MRPS30: variants seen among roughly 807,000 people sequenced by gnomAD.
MRPS30 encodes the protein large ribosomal subunit protein mL65.
In MRPS30, 42 loss-of-function variants were observed where a neutral mutation model predicts 43.8. The observed-to-expected ratio is 0.96, with a 90% CI of 0.75 to 1.24. The LOEUF (loss-of-function observed/expected upper bound fraction) is 1.24, where lower values mean the gene tolerates loss of function less well. MRPS30 is among the 50% of genes most tolerant of loss of function. MRPS30 has a pLI of 0.00. For missense variants in MRPS30, 638 were observed against 570.0 expected (o/e 1.12, Z -1.22); for synonymous variants, 273 against 228.2 (o/e 1.20, Z -1.77).
At chr5:44,811,732 G>T (rs531224227) in intron 2 of MRPS30, among the ~76,000 whole-genome samples, 183 bp from the exon 3 acceptor site, 2 of 152,282 alleles carry the variant, frequency 1.3e-5, no homozygotes, top group South Asian at 4.1e-4. Flanking sequence ...TGTCGGCTGT[G>T]TTCCAGTAAA....
Position 44,813,294 on chromosome 5 carries a change from T to C in MRPS30, c.1030+12T>C. On this transcript the variant is annotated intron_variant, in intron 4 of 4. Coordinates refer to ENST00000507110, the MANE Select transcript of MRPS30 (RefSeq NM_016640.4). ...AGCTATGTATCAAGGTAAAAATTAATTTTATAGCATTTTCTTTGAAGGTAT... is the reference window on the plus strand; with the variant it reads ...AGCTATGTATCAAGGTAAAAATTAACTTTATAGCATTTTCTTTGAAGGTAT... 6.4e-7 allele frequency: 1 copy of C among 1,551,770 alleles called. No individual in the cohort carries two copies. The highest frequency in any genetic ancestry group is 8.7e-7 in the Non-Finnish European group (1 of 1,153,358).
chr5:44,812,800 G>C (rs1742864543), intron 3 of MRPS30, among the ~76,000 whole-genome samples: 1 of 152,062 alleles, frequency 6.6e-6, no homozygotes, highest in Non-Finnish European at 1.5e-5. Flanking sequence ...AGCTAATCAT[G>C]ACTAAGGGAT....
At chr5:44,812,994 T>A (rs1250632615) in intron 3 of MRPS30, 112 bp from the exon 4 acceptor site, 1 of 857,274 alleles carries the variant, frequency 1.2e-6, no homozygotes, top group East Asian at 2.7e-5. Flanking sequence ...GTATTTAGAG[T>A]ACTGAGAATA....
rs746516631 is a variant in MRPS30, at chr5:44,811,006, T to C, written c.602-3T>C. The C allele has an allele frequency of 1.2e-6, 2 of 1,612,362 alleles. No individual in the cohort carries two copies. The highest frequency in any genetic ancestry group is 3.4e-5 in the Admixed American group (2 of 59,696). Reference sequence around the variant, plus strand: ...AAAAAAATTTTGAATATCTTTTTGATAGATTATAGATGCCCAGTTCATTTT... The same window carrying C: ...AAAAAAATTTTGAATATCTTTTTGACAGATTATAGATGCCCAGTTCATTTT... On this transcript the variant is annotated splice_region_variant and splice_polypyrimidine_tract_variant and intron_variant, in intron 1 of 4. Coordinates refer to ENST00000507110, the MANE Select transcript of MRPS30 (RefSeq NM_016640.4).
At chr5:44,810,421 G>A (rs937957779) in intron 1 of MRPS30, among the ~76,000 whole-genome samples, 1 of 152,106 alleles carries the variant, frequency 6.6e-6, no homozygotes, top group African/African-American at 2.4e-5. Flanking sequence ...TGTTTTTGAC[G>A]CATTCATTAT....
rs74613309 is a variant in MRPS30 at position 44,815,496 on chromosome 5, A to G, written c.*294A>G. Reference sequence around the variant, plus strand: ...TAATATAAATGCAGAAATCCCAAATAAAATGCTAACATACTGAATTCAGTA... The same window carrying G: ...TAATATAAATGCAGAAATCCCAAATGAAATGCTAACATACTGAATTCAGTA... On this transcript the variant is annotated 3_prime_UTR_variant, in exon 5 of 5. Transcript: ENST00000507110. 1.8e-3 allele frequency: 430 copies of G among 241,988 alleles called. 1 individual carries two copies. Among genetic ancestry groups the G allele is most frequent in the African/African-American group, 6.7e-3 (294 of 43,640 alleles). The allele number at this position is 241,988 out of a possible 1,614,324, so 15.0% of individuals were successfully genotyped here.
chr5:44,813,071 TG>T, intron 3 of MRPS30, 34 bp from the exon 4 acceptor site: 1 of 1,599,654 alleles, frequency 6.3e-7, no homozygotes, highest in Non-Finnish European at 8.5e-7. Flanking sequence ...TCTACATGTT[TG>T]TTTCATCTGA....
rs781559359 is a variant in MRPS30, at chr5:44,809,547, G to A, written c.585G>A (p.Leu195=). The A allele has an allele frequency of 6.3e-7, 1 of 1,598,760 alleles. No individual in the cohort carries two copies. The highest frequency in any genetic ancestry group is 8.5e-7 in the Non-Finnish European group (1 of 1,172,716). ...VGLLSPHNPA[L]AAAALDYRCP... is the part of the protein sequence containing the mutation. The stretch of plus-strand genomic sequence containing the variant: ...TCCTCAGCCCACACAACCCGGCCCT[G>A]GCCGCTGCCGCCCTCGGTGAGCCTT... The change falls in exon 1 of 5, where the codon CTG becomes CTA. Residue 195 remains leucine, a synonymous_variant. Transcript: ENST00000507110.
chr5:44,815,012 T>C lies in MRPS30; in HGVS notation c.1130T>C (p.Leu377Ser), dbSNP rs1365769844. 1.9e-6 allele frequency: 3 copies of C among 1,613,762 alleles called. No individual in the cohort carries two copies. The highest frequency in any genetic ancestry group is 1.3e-5 in the African/African-American group (1 of 74,912). Residue 377 changes from leucine (L) to serine (S), a missense_variant, in exon 5 of 5, where the codon TTG (leucine) becomes TCG (serine). Coordinates refer to ENST00000507110, the MANE Select transcript of MRPS30 (RefSeq NM_016640.4). ...FSFFCYQLNTLALTTQADQNN... is the reference protein window; with the variant it reads ...FSFFCYQLNTSALTTQADQNN... ...TTTTTCTGCTACCAGCTAAATACTT[T>C]GGCACTGACTACACAAGCTGATCAA... is the stretch of plus-strand genomic sequence containing the variant.
intron 3 of MRPS30, 60 bp downstream of exon 3, chr5:44,812,080 T>TG: frequency 8.3e-7 from 1 of 1,210,808 alleles, no homozygotes; most frequent in Middle Eastern, 1.9e-4. Context: ...TATGCAAATT[T>TG]GGAGTATTGA....
rs751894004 is a variant in MRPS30, at chr5:44,808,986, G to A, written c.24G>A (p.Arg8=). 1.2e-6 allele frequency: 2 copies of A among 1,605,790 alleles called. No homozygotes were observed. The highest frequency in any genetic ancestry group is 1.7e-5 in the Admixed American group (1 of 59,162). ...AGATGGCGGCGGCCAGGTGTTGGAG[G>A]CCTTTGCTACGCGGTCCGAGGCTTT... MAAARCW[R]PLLRGPRLSL... The change falls in exon 1 of 5, where the codon AGG becomes AGA. Residue 8 remains arginine (R), a synonymous_variant. Coordinates refer to ENST00000507110, the MANE Select transcript of MRPS30 (RefSeq NM_016640.4).
chr5:44,811,963 T>G lies in MRPS30; in HGVS notation c.796T>G (p.Cys266Gly). Residue 266 changes from cysteine (C) to glycine (G), a missense_variant, in exon 3 of 5, where the codon TGT (cysteine) becomes GGT (glycine). Coordinates refer to ENST00000507110, the MANE Select transcript of MRPS30 (RefSeq NM_016640.4). ...TCCTATAGAAATCCCCACTATAAAA[T>G]GTAAACCAGACAAACTTCCATTATT... ...SVPIEIPTIK[C>G]KPDKLPLFKR... The G allele has an allele frequency of 6.2e-7, 1 of 1,601,658 alleles. No homozygotes were observed. Among genetic ancestry groups the G allele is most frequent in the East Asian group, 2.3e-5 (1 of 44,204 alleles).
intron 4 of MRPS30, among the ~76,000 whole-genome samples, chr5:44,814,628 A>G (rs2111859636): frequency 6.6e-6 from 1 of 152,350 alleles, no homozygotes; most frequent in South Asian, 2.1e-4. Flanking sequence ...GCATCTGTGT[A>G]GATAAAGCTT....
chr5:44,815,389 TTTG>T lies in MRPS30; in HGVS notation c.*191_*193del, dbSNP rs1443775742. 3.8e-6 allele frequency: 2 copies of T among 524,404 alleles called. No homozygotes were observed. Among genetic ancestry groups the T allele is most frequent in the Non-Finnish European group, 6.4e-6 (2 of 313,666 alleles). 32.5% of individuals were successfully genotyped at this position (524,404 alleles called of 1,614,324 possible). A position where few individuals can be genotyped will look rare whatever the true frequency, so the allele number is the denominator to read the frequency against. On this transcript the variant is annotated 3_prime_UTR_variant, in exon 5 of 5. Coordinates refer to ENST00000507110, the MANE Select transcript of MRPS30 (RefSeq NM_016640.4). ...CTGAAAGATTTAATTTTAGTTACCT[TTTG>T]TTGATTTAAAAATAATTGCATTTGT... is the stretch of plus-strand genomic sequence containing the variant.
chr5:44,813,072 G>T, intron 3 of MRPS30, 34 bp from the exon 4 acceptor site: 1 of 1,600,266 alleles, frequency 6.2e-7, no homozygotes, highest in South Asian at 1.1e-5. Context: ...CTACATGTTT[G>T]TTTCATCTGA....
chr5:44,813,361 G>A (rs924137632), intron 4 of MRPS30, 79 bp downstream of exon 4: 39 of 1,246,088 alleles, frequency 3.1e-5, no homozygotes, highest in Non-Finnish European at 4.0e-5. Flanking sequence ...TTTTTTCTTT[G>A]GGTTAAAACA....
intron 1 of MRPS30, among the ~76,000 whole-genome samples, chr5:44,810,388 G>T (rs989000091): frequency 3.3e-5 from 5 of 152,140 alleles, no homozygotes; most frequent in Non-Finnish European, 7.3e-5. Flanking sequence ...AGTAATTAAC[G>T]TATAAATAAT....
At chr5:44,813,398 T>G in intron 4 of MRPS30, 116 bp downstream of exon 4, 1 of 887,094 alleles carries the variant, frequency 1.1e-6, no homozygotes, top group Middle Eastern at 3.4e-4. Context: ...ATTTTTAAAC[T>G]TTTGCATTGG....
Position 44,811,988 on chromosome 5 carries a change from T to C in MRPS30, c.821T>C (p.Phe274Ser), listed in dbSNP as rs763343319. Residue 274 changes from phenylalanine (F) to serine (S), a missense_variant, in exon 3 of 5, where the codon TTC becomes TCC. Transcript: ENST00000507110. ...IKCKPDKLPL[F>S]KRQYENHIFV... is the part of the protein sequence containing the mutation. ...TGTAAACCAGACAAACTTCCATTATTCAAACGGCAGTATGAAAACCACATA... is the reference window on the plus strand; with the variant it reads ...TGTAAACCAGACAAACTTCCATTATCCAAACGGCAGTATGAAAACCACATA... 1.1e-5 allele frequency: 17 copies of C among 1,601,720 alleles called. No individual in the cohort carries two copies. In the Admixed American group the frequency reaches 2.4e-4, roughly 23 times the overall value.
Sources: gnomAD v4.1 joint callset for allele counts (sites outside exome capture counted in the v4.1 genomes callset) on GRCh38, gnomAD v4.1.1 for gene constraint, MANE v1.5 for transcripts, NCBI Gene and HGNC (gene_info 2026-07-23, HGNC 2026-07-21) for gene names.